Variants in SUGCT observed in about 807,000 individuals in gnomAD.
SUGCT encodes the protein succinyl-CoA:glutarate-CoA transferase.
SUGCT carries 41 observed loss-of-function variants against 55.0 expected under a neutral mutation model. That is an observed-to-expected ratio of 0.74 (90% confidence interval 0.58 to 0.97). SUGCT has a LOEUF of 0.97. Ranked by LOEUF, SUGCT falls within the 50% of genes least tolerant of loss-of-function variation. The pLI is 0.00. For missense variants in SUGCT, 568 were observed against 547.8 expected, an observed-to-expected ratio of 1.04 and a Z score of -0.37; for synonymous variants, 187 against 200.4, an observed-to-expected ratio of 0.93 and a Z score of 0.56.
At chr7:40,731,513 G>A (rs2128695731) in intron 12 of SUGCT, among the ~76,000 whole-genome samples, 1 of 152,238 alleles carries the variant, frequency 6.6e-6, no homozygotes, top group Non-Finnish European at 1.5e-5. Context: ...ACCCAAGAAA[G>A]TCAATTTCAG....
chr7:40,820,975 G>C (rs574106912), intron 13 of SUGCT, among the ~76,000 whole-genome samples: 2 of 152,194 alleles, frequency 1.3e-5, no homozygotes, highest in African/African-American at 2.4e-5. Flanking sequence ...TAGCATGAAG[G>C]GCTGTTGATT....
intron 13 of SUGCT, among the ~76,000 whole-genome samples, chr7:40,772,545 TC>T (rs1183693745): frequency 4.0e-5 from 6 of 149,394 alleles, no homozygotes; most frequent in African/African-American, 7.4e-5. Flanking sequence ...TATCTATCTA[TC>T]TATCTATCTA....
At chr7:40,918,395 A>G in the SUGCT span, among the ~76,000 whole-genome samples, 1 of 142,474 alleles carries the variant, frequency 7.0e-6, no homozygotes, top group East Asian at 2.2e-4. Flanking sequence ...CGGGAGGCAG[A>G]GGTTGCAGTG....
At chr7:40,587,079 A>G in intron 12 of SUGCT, among the ~76,000 whole-genome samples, 1 of 152,248 alleles carries the variant, frequency 6.6e-6, no homozygotes. Context: ...ATGACGTTCT[A>G]GAAATGGCAA....
intron 12 of SUGCT, among the ~76,000 whole-genome samples, chr7:40,742,897 A>G (rs970380958): frequency 3.9e-5 from 6 of 152,348 alleles, no homozygotes; most frequent in South Asian, 2.1e-4. Context: ...AATTGCTAAA[A>G]TGGGAAATAA....
intron 9 of SUGCT, among the ~76,000 whole-genome samples, chr7:40,445,559 A>G (rs1172180804): frequency 6.6e-6 from 1 of 152,186 alleles, no homozygotes; most frequent in African/African-American, 2.4e-5. Flanking sequence ...GCCAAATTCT[A>G]CCACAGGTAC....
chr7:40,799,000 T>C (rs896368833), intron 13 of SUGCT, among the ~76,000 whole-genome samples: 2 of 152,200 alleles, frequency 1.3e-5, no homozygotes, highest in Non-Finnish European at 2.9e-5. Context: ...TTTAGGAAGA[T>C]TGCTGTAGAC....
In SUGCT at chr7:40,457,079, T is replaced by G. The variant is rs573493799; in HGVS notation, c.889-2022T>G. Among the ~76,000 whole-genome samples, 6 of 152,254 alleles carry G rather than the reference T, an allele frequency of 3.9e-5. No homozygotes were observed. The East Asian group carries it at 1.2e-3, about 29-fold the overall frequency. On this transcript the variant is annotated intron_variant, in intron 10 of 13. Coordinates refer to ENST00000335693, the MANE Select transcript of SUGCT (RefSeq NM_001193313.2). Reference sequence around the variant, plus strand: ...TTGTTATTTTCTTTTTTTTTTGTTTTTGCCAATGTCTCTTCATTTTTTTGC... The same window carrying G: ...TTGTTATTTTCTTTTTTTTTTGTTTGTGCCAATGTCTCTTCATTTTTTTGC...
At chr7:40,907,096 A>AGTGTGTGT in the SUGCT span, among the ~76,000 whole-genome samples, 93 of 101,716 alleles carry the variant, frequency 9.1e-4, no homozygotes, top group Non-Finnish European at 1.4e-3. Flanking sequence ...TTGTTCTGAT[A>AGTGTGTGT]GTGTGTGTGT....
intron 9 of SUGCT, among the ~76,000 whole-genome samples, chr7:40,350,454 C>T (rs755915212): frequency 2.0e-5 from 3 of 151,206 alleles, no homozygotes; most frequent in Non-Finnish European, 4.4e-5. Context: ...GCTGGAACTA[C>T]AGGTGACCAC....
At chr7:40,337,995 C>G (rs562927466) in intron 9 of SUGCT, among the ~76,000 whole-genome samples, 3 of 152,004 alleles carry the variant, frequency 2.0e-5, no homozygotes, top group African/African-American at 4.8e-5. Flanking sequence ...TTTTATTTCT[C>G]CTTCACTTAT....
At chr7:40,537,880 A>G (rs1286658972) in intron 12 of SUGCT, among the ~76,000 whole-genome samples, 4 of 152,212 alleles carry the variant, frequency 2.6e-5, no homozygotes, top group Non-Finnish European at 5.9e-5. Flanking sequence ...TGTTTCAGGA[A>G]GTTGAGAAAA....
the SUGCT span, among the ~76,000 whole-genome samples, chr7:40,989,812 G>A: frequency 4.6e-5 from 7 of 152,008 alleles, no homozygotes; most frequent in East Asian, 5.8e-4. Flanking sequence ...CTCCTCATTC[G>A]CTCAAGTTTT....
intron 9 of SUGCT, among the ~76,000 whole-genome samples, chr7:40,381,380 C>T (rs1784861180): frequency 6.6e-6 from 1 of 151,820 alleles, no homozygotes; most frequent in Admixed American, 6.6e-5. Flanking sequence ...TTTCTTTGCC[C>T]ATGTCTCACA....
intron 13 of SUGCT, among the ~76,000 whole-genome samples, chr7:40,802,880 A>T (rs1411870580): frequency 6.6e-6 from 1 of 152,218 alleles, no homozygotes; most frequent in East Asian, 1.9e-4. Flanking sequence ...CAGAAAATAT[A>T]TAAATGACCA....
intron 6 of SUGCT, among the ~76,000 whole-genome samples, chr7:40,228,032 G>A (rs936087805): frequency 1.7e-4 from 26 of 152,024 alleles, no homozygotes; most frequent in African/African-American, 5.3e-4. Flanking sequence ...ACAGGCATGC[G>A]CTACCATGCC....
chr7:40,473,155 C>T (rs901517943), intron 11 of SUGCT, among the ~76,000 whole-genome samples: 2 of 152,124 alleles, frequency 1.3e-5, no homozygotes, highest in African/African-American at 4.8e-5. Flanking sequence ...ATGACTTCTG[C>T]CATAAGTAGC....
At chr7:40,572,740 G>A (rs188695521) in intron 12 of SUGCT, among the ~76,000 whole-genome samples, 23 of 152,114 alleles carry the variant, frequency 1.5e-4, no homozygotes, top group Non-Finnish European at 2.6e-4. Flanking sequence ...ATGGTACCTC[G>A]GGTCGCTGCT....
chr7:40,334,411 C>A (rs1034074978), intron 9 of SUGCT, among the ~76,000 whole-genome samples: 4 of 152,148 alleles, frequency 2.6e-5, no homozygotes, highest in Non-Finnish European at 5.9e-5. Context: ...CTCCCAGCAC[C>A]TGTTGTTTCC....
Sources: allele counts gnomAD v4.1 joint callset (sites outside exome capture counted in the v4.1 genomes callset), GRCh38; gene constraint gnomAD v4.1.1; transcripts MANE v1.5; gene names NCBI Gene and HGNC (gene_info 2026-07-23, HGNC 2026-07-21).